Variants in RBFOX1 observed in about 807,000 individuals in gnomAD.
The protein encoded by RBFOX1 is RNA binding fox-1 homolog 1.
In RBFOX1, 8 loss-of-function variants were observed where a neutral mutation model predicts 57.7. The observed-to-expected ratio is 0.14, with a 90% CI of 0.08 to 0.25. The LOEUF is 0.25. RBFOX1 is among the 10% of genes least tolerant of loss of function. The pLI is 1.00. For missense variants in RBFOX1, 611 were observed against 548.5 expected (o/e 1.11, Z -1.14); for synonymous variants, 326 against 222.4 (o/e 1.47, Z -4.15).
chr16:7,643,682 C>A (rs1490384707), intron 11 of RBFOX1, among the ~76,000 whole-genome samples: 2 of 152,300 alleles, frequency 1.3e-5, no homozygotes, highest in East Asian at 3.9e-4. Flanking sequence ...CTCCCCCTCA[C>A]ATCGAGATGT....
chr16:5,246,325 T>A (rs1321728684), intron 1 of RBFOX1, among the ~76,000 whole-genome samples: 2 of 152,224 alleles, frequency 1.3e-5, no homozygotes, highest in Non-Finnish European at 2.9e-5. Context: ...TTTTTGGAGT[T>A]GTTGAATTTA....
chr16:6,113,797 G>A (rs1249459123), intron 1 of RBFOX1, among the ~76,000 whole-genome samples: 1 of 152,194 alleles, frequency 6.6e-6, no homozygotes, highest in Non-Finnish European at 1.5e-5. Context: ...TTGATTTGAA[G>A]GCGTCAGACA....
intron 4 of RBFOX1, among the ~76,000 whole-genome samples, chr16:7,217,946 G>T (rs912786809): frequency 6.6e-6 from 1 of 151,688 alleles, no homozygotes; most frequent in African/African-American, 2.4e-5. Context: ...GCATGTGTGT[G>T]TGTGTGCACA....
At chr16:7,141,949 G>A (rs2073895176) in intron 4 of RBFOX1, among the ~76,000 whole-genome samples, 1 of 152,060 alleles carries the variant, frequency 6.6e-6, no homozygotes, top group Admixed American at 6.6e-5. Flanking sequence ...GTTTCAGCGG[G>A]ATCCTATTTC....
At chr16:5,405,953 C>T (rs183040367) in intron 1 of RBFOX1, among the ~76,000 whole-genome samples, 1 of 152,218 alleles carries the variant, frequency 6.6e-6, no homozygotes, top group Non-Finnish European at 1.5e-5. Flanking sequence ...GAGAGAACAT[C>T]GGGGACAGGG....
At chr16:7,109,500 G>T (rs1339912736) in intron 4 of RBFOX1, among the ~76,000 whole-genome samples, 2 of 152,084 alleles carry the variant, frequency 1.3e-5, no homozygotes, top group Non-Finnish European at 2.9e-5. Flanking sequence ...GGGCCCTTGT[G>T]ATCCAGGTGA....
At chr16:7,223,594 C>G (rs11077154) in intron 4 of RBFOX1, among the ~76,000 whole-genome samples, 58,881 of 151,566 alleles carry the variant, frequency 0.39, 11,926 homozygotes, top group East Asian at 0.66. Flanking sequence ...CTCACATCCA[C>G]CTCAGCTTAA....
chr16:5,684,988 C>T (rs1378688296), intron 3 of RBFOX1, among the ~76,000 whole-genome samples: 1 of 152,164 alleles, frequency 6.6e-6, no homozygotes, highest in South Asian at 2.1e-4. Context: ...GTTGGGGCAT[C>T]CAGCCTGATG....
Position 6,622,377 on chromosome 16 carries a change from C to T in RBFOX1, c.-63-32226C>T, listed in dbSNP as rs118133996. ...TTCTATGTATAGATAGATTTAGATACGTAGTACTTACCTTTTAATGACAGT... is the reference window on the plus strand; with the variant it reads ...TTCTATGTATAGATAGATTTAGATATGTAGTACTTACCTTTTAATGACAGT... On this transcript the variant is annotated intron_variant, in intron 2 of 15. Transcript: ENST00000550418. 5.9e-4 allele frequency among the ~76,000 whole-genome samples: 90 copies of T among 152,184 alleles called. 1 individual carries two copies. In the East Asian group the frequency reaches 0.015, roughly 26 times the overall value.
chr16:6,869,691 C>G (rs999958162), intron 3 of RBFOX1, among the ~76,000 whole-genome samples: 8 of 152,170 alleles, frequency 5.3e-5, no homozygotes, highest in Non-Finnish European at 4.4e-5. Context: ...CTAGGACACA[C>G]ATTCATGCAG....
At position 6,987,302 on chromosome 16, in the gene RBFOX1, G is replaced by A. The variant is rs139582316; in HGVS notation, c.-15-64755G>A. Among the ~76,000 whole-genome samples the A allele has an allele frequency of 1.3e-3, 194 of 152,190 alleles. 2 individuals carry two copies. The highest frequency in any genetic ancestry group is 4.3e-3 in the African/African-American group (177 of 41,510). ...TGGAATCTTAGGATCATCTGGTTCA[G>A]TCCCTGAAGTTTTCAAAGGAGGAAG... On this transcript the variant is annotated intron_variant, in intron 3 of 15. Coordinates refer to ENST00000550418, the MANE Select transcript of RBFOX1 (RefSeq NM_018723.4).
chr16:6,998,963 G>C (rs1200343360), intron 3 of RBFOX1, among the ~76,000 whole-genome samples: 1 of 151,536 alleles, frequency 6.6e-6, no homozygotes, highest in East Asian at 1.9e-4. Context: ...CCGCCTCCCA[G>C]GTTCAAGCGA....
At chr16:7,211,012 C>G (rs980334549) in intron 4 of RBFOX1, among the ~76,000 whole-genome samples, 3 of 151,310 alleles carry the variant, frequency 2.0e-5, no homozygotes, top group Admixed American at 1.3e-4. Flanking sequence ...ACTACATAAT[C>G]ACTTCACTCT....
Position 7,690,449 on chromosome 16 carries a change from C to T in RBFOX1, c.995+13611C>T, listed in dbSNP as rs149881066. On this transcript the variant is annotated intron_variant, in intron 14 of 15. Transcript: ENST00000550418. ...TGCACCAATTATTTACAATGTGCAGCCAAGGTTGAGAACGACTCAGCCAGA... is the reference window on the plus strand; with the variant it reads ...TGCACCAATTATTTACAATGTGCAGTCAAGGTTGAGAACGACTCAGCCAGA... Among the ~76,000 whole-genome samples the T allele has an allele frequency of 3.0e-4, 46 of 152,186 alleles. No homozygotes were observed. The East Asian group carries it at 8.7e-3, about 29-fold the overall frequency.
At chr16:6,952,910 G>T (rs1177133346) in intron 3 of RBFOX1, among the ~76,000 whole-genome samples, 1 of 152,072 alleles carries the variant, frequency 6.6e-6, no homozygotes, top group Non-Finnish European at 1.5e-5. Context: ...AGGTGGTGGA[G>T]GTTGCAGTGA....
At position 6,363,028 on chromosome 16, in the gene RBFOX1, G is replaced by T. The variant is rs542358282; in HGVS notation, c.-64+45971G>T. On this transcript the variant is annotated intron_variant, in intron 2 of 15. Transcript: ENST00000550418. ...GATTACTTGGGTCTTCAAAGCAGGC[G>T]TGCACAGTTTTTCTCTCAATATGAA... Among the ~76,000 whole-genome samples, 3 of 152,134 alleles carry T rather than the reference G, an allele frequency of 2.0e-5. No individual in the cohort carries two copies. In the East Asian group the frequency reaches 5.8e-4, roughly 29 times the overall value.
intron 3 of RBFOX1, among the ~76,000 whole-genome samples, chr16:6,658,415 G>A (rs1373399790): frequency 6.6e-6 from 1 of 151,836 alleles, no homozygotes; most frequent in Non-Finnish European, 1.5e-5. Context: ...TACCATGTTG[G>A]CCAGGATGAT....
At chr16:5,419,766 C>T (rs898467470) in intron 1 of RBFOX1, among the ~76,000 whole-genome samples, 1 of 151,926 alleles carries the variant, frequency 6.6e-6, no homozygotes, top group South Asian at 2.1e-4. Flanking sequence ...TGGCTGCCAG[C>T]AGAAGGAGAA....
At chr16:7,704,674 T>G (rs1282581222) in intron 14 of RBFOX1, among the ~76,000 whole-genome samples, 2 of 152,054 alleles carry the variant, frequency 1.3e-5, no homozygotes, top group Non-Finnish European at 2.9e-5. Context: ...AGGTAAATGA[T>G]CAGGTGGAGT....
Sources: gnomAD v4.1 joint callset for allele counts (sites outside exome capture counted in the v4.1 genomes callset) on GRCh38, gnomAD v4.1.1 for gene constraint, MANE v1.5 for transcripts, NCBI Gene and HGNC (gene_info 2026-07-23, HGNC 2026-07-21) for gene names.